The following SGCZ variants were observed in gnomAD, a reference collection of about 807,000 sequenced individuals.
The protein encoded by SGCZ is sarcoglycan zeta, also known as zeta-sarcoglycan.
Under a neutral mutation model 41.3 loss-of-function variants are expected in SGCZ, and 40 were observed. The ratio of observed to expected loss-of-function variants is 0.97; its 90% CI spans 0.75 to 1.26. SGCZ has a LOEUF of 1.26. SGCZ is among the 50% of genes most tolerant of loss of function. The pLI, the probability that SGCZ is intolerant of heterozygous loss-of-function variation, is 0.00. For missense variants in SGCZ, 552 were observed against 369.8 expected (o/e 1.49, Z -4.04); for synonymous variants, 206 against 137.5 (o/e 1.50, Z -3.49).
At chr8:14,187,191 A>C (rs993160321) in intron 4 of SGCZ, among the ~76,000 whole-genome samples, 4 of 152,230 alleles carry the variant, frequency 2.6e-5, no homozygotes, top group Non-Finnish European at 4.4e-5. Flanking sequence ...TCATCATTAA[A>C]CAAACAAGTA....
chr8:14,756,978 T>A (rs1007164131), intron 1 of SGCZ, among the ~76,000 whole-genome samples: 2 of 152,202 alleles, frequency 1.3e-5, no homozygotes, highest in Non-Finnish European at 2.9e-5. Flanking sequence ...AGATCTGGAA[T>A]AACCACAAGT....
At chr8:14,272,364 A>T (rs1405116449) in intron 3 of SGCZ, among the ~76,000 whole-genome samples, 2 of 152,188 alleles carry the variant, frequency 1.3e-5, no homozygotes, top group African/African-American at 4.8e-5. Flanking sequence ...TATATGACGG[A>T]CTTTTCCTGA....
chr8:14,497,921 C>G (rs191127101), intron 2 of SGCZ, among the ~76,000 whole-genome samples: 1 of 152,268 alleles, frequency 6.6e-6, no homozygotes, highest in African/African-American at 2.4e-5. Context: ...TGTTTACAAC[C>G]ATTTACTTTC....
At chr8:14,537,772 G>C (rs1385458094) in intron 2 of SGCZ, among the ~76,000 whole-genome samples, 3 of 151,836 alleles carry the variant, frequency 2.0e-5, no homozygotes, top group Non-Finnish European at 4.4e-5. Context: ...TTGCTGCCAT[G>C]ATAAAATGTG....
At chr8:15,065,101 T>C (rs1805081433) in intron 1 of SGCZ, among the ~76,000 whole-genome samples, 1 of 152,114 alleles carries the variant, frequency 6.6e-6, no homozygotes, top group Non-Finnish European at 1.5e-5. Context: ...TAATTTCCCC[T>C]TGGTCTCACT....
intron 2 of SGCZ, among the ~76,000 whole-genome samples, chr8:14,438,365 C>T (rs776625090): frequency 2.2e-4 from 34 of 151,896 alleles, no homozygotes; most frequent in East Asian, 1.9e-4. Flanking sequence ...AATCTTTAGA[C>T]ATGTTGGTCT....
At chr8:14,511,649 A>G (rs1187136811) in intron 2 of SGCZ, among the ~76,000 whole-genome samples, 2 of 152,176 alleles carry the variant, frequency 1.3e-5, no homozygotes, top group Admixed American at 6.6e-5. Flanking sequence ...TACACTAATT[A>G]TATTTTAGAA....
chr8:14,858,005 A>G (rs1024143625), intron 1 of SGCZ, among the ~76,000 whole-genome samples: 1 of 152,178 alleles, frequency 6.6e-6, no homozygotes, highest in Non-Finnish European at 1.5e-5. Context: ...TAAAGTGTAG[A>G]AGATAATTTG....
intron 3 of SGCZ, among the ~76,000 whole-genome samples, chr8:14,261,107 AAAAAG>A (rs1563219405): frequency 1.3e-5 from 2 of 151,908 alleles, no homozygotes; most frequent in East Asian, 3.9e-4. Flanking sequence ...TAAAATAAAA[AAAAAG>A]AAAACAAAAA....
intron 2 of SGCZ, among the ~76,000 whole-genome samples, chr8:14,479,288 C>CTTA (rs57474468): frequency 0.92 from 140,496 of 152,058 alleles, 65,741 homozygotes; most frequent in East Asian, 1. Context: ...TGCAGTCTAA[C>CTTA]GTTCAACGGC....
chr8:14,301,071 T>TCAC (rs1801169430), intron 3 of SGCZ, among the ~76,000 whole-genome samples: 1 of 151,618 alleles, frequency 6.6e-6, no homozygotes, highest in African/African-American at 2.4e-5. Context: ...ATCATCATCA[T>TCAC]CATCATCATC....
chr8:14,627,169 T>A (rs1585136123), intron 1 of SGCZ, among the ~76,000 whole-genome samples: 1 of 152,192 alleles, frequency 6.6e-6, no homozygotes, highest in Admixed American at 6.5e-5. Flanking sequence ...GAAAATTATT[T>A]ATTTGGAAGT....
At position 14,381,086 on chromosome 8, in the gene SGCZ, A is replaced by T. The variant is rs112082640; in HGVS notation, c.235-56882T>A. Among the ~76,000 whole-genome samples the T allele has an allele frequency of 4.6e-5, 7 of 150,790 alleles. 1 individual carries two copies. Among genetic ancestry groups the T allele is most frequent in the African/African-American group, 1.7e-4 (7 of 40,798 alleles). ...CATCTGACTTGATCATAATTAGCAA[A>T]AGTAGTAAAAAAAAAATACCTTTGT... On this transcript the variant is annotated intron_variant, in intron 2 of 7. Transcript: ENST00000382080.
At chr8:14,323,495 G>A (rs958543180) in intron 3 of SGCZ, among the ~76,000 whole-genome samples, 1 of 151,972 alleles carries the variant, frequency 6.6e-6, no homozygotes. Context: ...AATATTTACT[G>A]CCTTCTGAGA....
At chr8:14,757,121 C>T (rs542459450) in intron 1 of SGCZ, among the ~76,000 whole-genome samples, 2 of 152,128 alleles carry the variant, frequency 1.3e-5, no homozygotes, top group African/African-American at 4.8e-5. Context: ...CGATCTCAGC[C>T]CACTGCAACC....
chr8:14,910,872 G>C (rs982559323), intron 1 of SGCZ, among the ~76,000 whole-genome samples: 9 of 151,790 alleles, frequency 5.9e-5, no homozygotes, highest in African/African-American at 1.9e-4. Context: ...AGCAAAAGTT[G>C]AATACATCCT....
chr8:14,747,693 G>A (rs199897619), intron 1 of SGCZ, among the ~76,000 whole-genome samples: 4 of 53,444 alleles, frequency 7.5e-5, no homozygotes, highest in African/African-American at 1.6e-4. Flanking sequence ...TTATTATTAT[G>A]TGTGTGTGTA....
At chr8:14,778,250 C>T (rs752001630) in intron 1 of SGCZ, among the ~76,000 whole-genome samples, 4 of 152,098 alleles carry the variant, frequency 2.6e-5, no homozygotes, top group Non-Finnish European at 5.9e-5. Flanking sequence ...TTAACACAGG[C>T]TTTTGGGGCC....
intron 1 of SGCZ, among the ~76,000 whole-genome samples, chr8:14,799,634 G>A (rs974409862): frequency 6.6e-6 from 1 of 151,990 alleles, no homozygotes; most frequent in East Asian, 1.9e-4. Flanking sequence ...CAAGTCCACA[G>A]GACTTCACCT....
Sources: allele counts gnomAD v4.1 joint callset (sites outside exome capture counted in the v4.1 genomes callset), GRCh38; gene constraint gnomAD v4.1.1; transcripts MANE v1.5; gene names NCBI Gene and HGNC (gene_info 2026-07-23, HGNC 2026-07-21).